The following CRYL1 variants were observed in gnomAD, a reference collection of about 807,000 sequenced individuals.
CRYL1 encodes the protein crystallin lambda 1.
CRYL1 carries 29 observed loss-of-function variants against 36.6 expected under a neutral mutation model. The ratio of observed to expected loss-of-function variants is 0.79; its 90% CI spans 0.59 to 1.08. CRYL1 has a LOEUF of 1.08. Among genes scored for constraint, CRYL1 ranks in the 50% least tolerant of loss-of-function variants. The pLI is 0.00. For synonymous variants in CRYL1, 152 were observed against 151.5 expected (o/e 1.00, Z -0.02); for missense variants, 411 against 407.9 (o/e 1.01, Z -0.06).
intron 2 of CRYL1, among the ~76,000 whole-genome samples, chr13:20,493,356 G>A (rs1431474635): frequency 1.3e-5 from 2 of 152,212 alleles, no homozygotes; most frequent in African/African-American, 4.8e-5. Flanking sequence ...ATAGCGACAG[G>A]GCGGTCAGAA....
At chr13:20,466,229 C>T (rs1031311117) in intron 3 of CRYL1, among the ~76,000 whole-genome samples, 2 of 152,270 alleles carry the variant, frequency 1.3e-5, no homozygotes, top group Middle Eastern at 3.4e-3. Context: ...GCCTTCCATA[C>T]GCCCCAATCT....
chr13:20,416,320 G>A (rs1000163567), intron 5 of CRYL1, among the ~76,000 whole-genome samples: 7 of 152,176 alleles, frequency 4.6e-5, no homozygotes, highest in Non-Finnish European at 7.4e-5. Flanking sequence ...GTAACGGGTC[G>A]GGGCATCACG....
intron 3 of CRYL1, among the ~76,000 whole-genome samples, chr13:20,486,794 T>G (rs558298413): frequency 6.6e-6 from 1 of 152,178 alleles, no homozygotes. Flanking sequence ...GTGCCAACCA[T>G]GTACAGAACG....
intron 1 of CRYL1, among the ~76,000 whole-genome samples, chr13:20,513,888 G>A (rs543270004): frequency 1.4e-5 from 2 of 145,108 alleles, no homozygotes; most frequent in African/African-American, 2.6e-5. Context: ...GCAGTTTGTA[G>A]CACCAAAAAG....
chr13:20,487,344 G>A (rs1197728936), intron 3 of CRYL1, among the ~76,000 whole-genome samples: 2 of 152,070 alleles, frequency 1.3e-5, no homozygotes, highest in African/African-American at 4.8e-5. Flanking sequence ...ATTAGTCTTT[G>A]AGGCTGGGGA....
chr13:20,454,671 G>A (rs1457230921), intron 3 of CRYL1, among the ~76,000 whole-genome samples: 9 of 151,914 alleles, frequency 5.9e-5, no homozygotes, highest in East Asian at 1.9e-4. Context: ...CACCCGCCTC[G>A]GCCTCCCAAA....
intron 3 of CRYL1, among the ~76,000 whole-genome samples, chr13:20,484,971 T>C (rs563892322): frequency 1.3e-5 from 2 of 151,892 alleles, no homozygotes; most frequent in Admixed American, 6.5e-5. Flanking sequence ...TTTCATTTAC[T>C]TGTTTGTTTG....
chr13:20,466,426 G>A (rs1044658636), intron 3 of CRYL1, among the ~76,000 whole-genome samples: 4 of 152,208 alleles, frequency 2.6e-5, no homozygotes, highest in African/African-American at 7.2e-5. Flanking sequence ...TTTTTAAAGA[G>A]TTGTTATAAA....
intron 1 of CRYL1, among the ~76,000 whole-genome samples, chr13:20,514,207 A>G (rs1258490814): frequency 6.6e-6 from 1 of 152,228 alleles, no homozygotes; most frequent in African/African-American, 2.4e-5. Flanking sequence ...TGGAAGAGGG[A>G]AAAGTTAGGG....
At chr13:20,485,302 G>C (rs773583165) in intron 3 of CRYL1, among the ~76,000 whole-genome samples, 1 of 152,076 alleles carries the variant, frequency 6.6e-6, no homozygotes, top group Non-Finnish European at 1.5e-5. Flanking sequence ...TACAGGTGTG[G>C]ACCACCACGC....
chr13:20,477,886 C>CTG (rs2033197073), intron 3 of CRYL1, among the ~76,000 whole-genome samples: 8 of 57,222 alleles, frequency 1.4e-4, no homozygotes, highest in Middle Eastern at 8.9e-3. Context: ...ATATATAATA[C>CTG]TATACTATAA....
At chr13:20,495,528 G>A (rs1182777828) in intron 2 of CRYL1, among the ~76,000 whole-genome samples, 2 of 152,138 alleles carry the variant, frequency 1.3e-5, no homozygotes, top group East Asian at 3.8e-4. Context: ...GGAACCTTGT[G>A]CACTGATGAT....
chr13:20,504,779 G>GA (rs2033764004), intron 2 of CRYL1, among the ~76,000 whole-genome samples: 1 of 152,160 alleles, frequency 6.6e-6, no homozygotes, highest in Non-Finnish European at 1.5e-5. Context: ...CACCCTGTTA[G>GA]AAAAAGATTA....
chr13:20,469,235 G>A (rs1312792500), intron 3 of CRYL1, among the ~76,000 whole-genome samples: 3 of 152,220 alleles, frequency 2.0e-5, no homozygotes, highest in Non-Finnish European at 4.4e-5. Flanking sequence ...GAAAAAGCAA[G>A]TTCAAACCTA....
chr13:20,426,062 C>A (rs1022277818), intron 5 of CRYL1, among the ~76,000 whole-genome samples: 43 of 152,078 alleles, frequency 2.8e-4, no homozygotes, highest in African/African-American at 9.9e-4. Context: ...CTCAGGAAAT[C>A]AAATGGCTGG....
At chr13:20,453,095 T>C (rs2032605678) in intron 3 of CRYL1, among the ~76,000 whole-genome samples, 1 of 152,198 alleles carries the variant, frequency 6.6e-6, no homozygotes, top group African/African-American at 2.4e-5. Context: ...CTGAATAACA[T>C]TATCAACCAA....
At chr13:20,462,439 G>A (rs548578886) in intron 3 of CRYL1, among the ~76,000 whole-genome samples, 1 of 150,172 alleles carries the variant, frequency 6.7e-6, no homozygotes, top group Non-Finnish European at 1.5e-5. Context: ...CTCTTAGGAA[G>A]AGAACGGTAT....
chr13:20,437,426 G>A (rs2032251598), intron 4 of CRYL1, among the ~76,000 whole-genome samples: 1 of 151,598 alleles, frequency 6.6e-6, no homozygotes, highest in Admixed American at 6.6e-5. Flanking sequence ...TCCTGCCTCA[G>A]CCTCCCGAGT....
At chr13:20,517,166 C>T (rs974686447) in intron 1 of CRYL1, among the ~76,000 whole-genome samples, 1 of 152,230 alleles carries the variant, frequency 6.6e-6, no homozygotes, top group Admixed American at 6.5e-5. Context: ...AATTCTACCT[C>T]TGGCACCCAC....
Sources: gnomAD v4.1 joint callset for allele counts (sites outside exome capture counted in the v4.1 genomes callset) on GRCh38, gnomAD v4.1.1 for gene constraint, MANE v1.5 for transcripts, NCBI Gene and HGNC (gene_info 2026-07-23, HGNC 2026-07-21) for gene names.